FSHR: variants seen among roughly 807,000 people sequenced by gnomAD.
The protein encoded by FSHR is follicle stimulating hormone receptor.
Under a neutral mutation model 52.1 loss-of-function variants are expected in FSHR, and 46 were observed. The observed-to-expected ratio is 0.88, with a 90% CI of 0.70 to 1.13. The LOEUF (loss-of-function observed/expected upper bound fraction) is 1.13, where lower values mean the gene tolerates loss of function less well. FSHR is among the 50% of genes most tolerant of loss of function. The pLI is 0.00. For synonymous variants in FSHR, 399 were observed against 309.6 expected (o/e 1.29, Z -3.03); for missense variants, 964 against 834.6 (o/e 1.16, Z -1.91).
chr2:49,153,038 C>G (rs974820134), intron 1 of FSHR, among the ~76,000 whole-genome samples: 6 of 152,220 alleles, frequency 3.9e-5, no homozygotes, highest in Admixed American at 1.3e-4. Flanking sequence ...GTTATTTTCC[C>G]TGCCTCTGCA....
intron 2 of FSHR, among the ~76,000 whole-genome samples, chr2:49,048,904 A>G (rs560194678): frequency 1.3e-5 from 2 of 152,272 alleles, no homozygotes; most frequent in South Asian, 2.1e-4. Flanking sequence ...TCCATATTCT[A>G]TTTGAATCTT....
chr2:49,124,086 C>A (rs946316912), intron 1 of FSHR, among the ~76,000 whole-genome samples: 1 of 151,688 alleles, frequency 6.6e-6, no homozygotes, highest in Admixed American at 6.6e-5. Flanking sequence ...CTGCACCTCC[C>A]GGGTTTAGGC....
intron 1 of FSHR, among the ~76,000 whole-genome samples, chr2:49,106,981 G>T (rs1179549243): frequency 1.3e-5 from 2 of 151,978 alleles, no homozygotes; most frequent in Non-Finnish European, 1.5e-5. Flanking sequence ...AAAATAAGTT[G>T]GAAAGCATTA....
intron 1 of FSHR, among the ~76,000 whole-genome samples, chr2:49,085,362 T>C (rs1472505354): frequency 6.6e-6 from 1 of 152,210 alleles, no homozygotes; most frequent in African/African-American, 2.4e-5. Flanking sequence ...ATAAGAGCTA[T>C]CTATGACAAA....
At chr2:49,093,842 C>G (rs1296365688) in intron 1 of FSHR, among the ~76,000 whole-genome samples, 1 of 152,060 alleles carries the variant, frequency 6.6e-6, no homozygotes, top group Non-Finnish European at 1.5e-5. Context: ...GATGATCCAT[C>G]CACCTTGGCC....
At chr2:49,106,802 C>T (rs981924914) in intron 1 of FSHR, among the ~76,000 whole-genome samples, 6 of 152,080 alleles carry the variant, frequency 3.9e-5, no homozygotes, top group Admixed American at 1.3e-4. Context: ...ACCCCTGTAC[C>T]GCTTCACAAT....
intron 1 of FSHR, among the ~76,000 whole-genome samples, chr2:49,119,276 C>A (rs1671714288): frequency 6.6e-6 from 1 of 152,116 alleles, no homozygotes; most frequent in Non-Finnish European, 1.5e-5. Flanking sequence ...TGTTACTGTG[C>A]TTGTGAGTGT....
intron 4 of FSHR, among the ~76,000 whole-genome samples, chr2:49,003,217 C>T (rs1460068506): frequency 6.6e-6 from 1 of 152,138 alleles, no homozygotes; most frequent in Non-Finnish European, 1.5e-5. Context: ...CAAGATATTT[C>T]TCTAAAAACA....
intron 6 of FSHR, among the ~76,000 whole-genome samples, chr2:48,984,086 T>A (rs1247675513): frequency 6.6e-6 from 1 of 152,162 alleles, no homozygotes; most frequent in Non-Finnish European, 1.5e-5. Flanking sequence ...AATAACACTG[T>A]ACAGAAAGCT....
chr2:49,085,229 A>G (rs112531427), intron 1 of FSHR, among the ~76,000 whole-genome samples: 5,712 of 101,050 alleles, frequency 0.057, no homozygotes, highest in Non-Finnish European at 0.066. Context: ...ATATAAACAG[A>G]ACCAAAGACA....
chr2:49,114,818 C>T (rs1671542694), intron 1 of FSHR, among the ~76,000 whole-genome samples: 1 of 151,936 alleles, frequency 6.6e-6, no homozygotes. Context: ...ACAATAAAAG[C>T]TTACTGGGCT....
intron 3 of FSHR, among the ~76,000 whole-genome samples, chr2:49,018,175 T>C (rs1667557665): frequency 6.6e-6 from 1 of 152,200 alleles, no homozygotes; most frequent in Non-Finnish European, 1.5e-5. Flanking sequence ...TAGCTGGGAA[T>C]GGCCATTGAT....
chr2:49,086,406 G>A (rs889398656), intron 1 of FSHR, among the ~76,000 whole-genome samples: 3 of 152,126 alleles, frequency 2.0e-5, no homozygotes, highest in African/African-American at 7.2e-5. Context: ...CTTATAAATG[G>A]CATAAGTTGT....
intron 6 of FSHR, among the ~76,000 whole-genome samples, chr2:48,984,392 G>C (rs1049151276): frequency 6.6e-6 from 1 of 152,198 alleles, no homozygotes; most frequent in Non-Finnish European, 1.5e-5. Flanking sequence ...TGAGGTAGCT[G>C]TGGCATGTGG....
chr2:49,034,118 G>T (rs1311612070), intron 2 of FSHR, among the ~76,000 whole-genome samples: 1 of 152,194 alleles, frequency 6.6e-6, no homozygotes, highest in African/African-American at 2.4e-5. Context: ...GAGTCTGGAG[G>T]GCTCAAATGT....
At chr2:49,146,622 A>C (rs1040011475) in intron 1 of FSHR, among the ~76,000 whole-genome samples, 1 of 152,032 alleles carries the variant, frequency 6.6e-6, no homozygotes, top group East Asian at 1.9e-4. Flanking sequence ...GAGGAGCGCA[A>C]GGATTACACA....
In FSHR at chr2:49,092,960, C is replaced by G. The variant is rs188285898; in HGVS notation, c.153-24670G>C. Among the ~76,000 whole-genome samples the G allele has an allele frequency of 3.3e-3, 508 of 152,310 alleles. 2 individuals carry two copies. The highest frequency in any genetic ancestry group is 1.8e-3 in the Non-Finnish European group (123 of 68,026). On this transcript the variant is annotated intron_variant, in intron 1 of 9. Coordinates refer to ENST00000406846, the MANE Select transcript of FSHR (RefSeq NM_000145.4). ...GGATTACAGGCATGAGCCACCACACCCAGCTTTGGTTTTGAATTTCAACAC... is the reference window on the plus strand; with the variant it reads ...GGATTACAGGCATGAGCCACCACACGCAGCTTTGGTTTTGAATTTCAACAC...
chr2:48,968,635 G>C (rs1251358037), intron 9 of FSHR, 63 bp downstream of exon 9: 2 of 1,574,200 alleles, frequency 1.3e-6, no homozygotes, highest in East Asian at 4.5e-5. Context: ...CAGATAGGTA[G>C]AAATTGTGGA....
At chr2:49,138,329 C>T (rs892612892) in intron 1 of FSHR, among the ~76,000 whole-genome samples, 7 of 152,222 alleles carry the variant, frequency 4.6e-5, no homozygotes, top group Admixed American at 1.3e-4. Flanking sequence ...GGATTAAACA[C>T]GACTCAGCTA....
Sources: allele counts gnomAD v4.1 joint callset (sites outside exome capture counted in the v4.1 genomes callset), GRCh38; gene constraint gnomAD v4.1.1; transcripts MANE v1.5; gene names NCBI Gene and HGNC (gene_info 2026-07-23, HGNC 2026-07-21).